The following PRKN variants were observed in gnomAD, a reference collection of about 807,000 sequenced individuals.
PRKN encodes E3 ubiquitin-protein ligase parkin.
Under a neutral mutation model 59.5 loss-of-function variants are expected in PRKN, and 56 were observed. The ratio of observed to expected loss-of-function variants is 0.94; its 90% CI spans 0.76 to 1.18. PRKN has a LOEUF of 1.18. Among genes scored for constraint, PRKN ranks in the 50% most tolerant of loss-of-function variants. The pLI, the probability that PRKN is intolerant of heterozygous loss-of-function variation, is 0.00. For missense variants in PRKN, 657 were observed against 596.4 expected, an observed-to-expected ratio of 1.10 and a Z score of -1.06; for synonymous variants, 250 against 222.1, an observed-to-expected ratio of 1.13 and a Z score of -1.12.
rs910658060 is a variant in PRKN at position 162,238,540 on chromosome 6, A to G, written c.412+23985T>C. ...AACTTACATACATAATTCTTAAAAT[A>G]AAAACCCAAGGAAGACGTTAGTATT... is the stretch of plus-strand genomic sequence containing the variant. On this transcript the variant is annotated intron_variant, in intron 3 of 11. Transcript: ENST00000366898. Among the ~76,000 whole-genome samples, 9 of 152,330 alleles carry G rather than the reference A, an allele frequency of 5.9e-5. No homozygotes were observed. In the South Asian group the frequency reaches 1.4e-3, roughly 25 times the overall value.
chr6:162,559,517 T>C, intron 1 of PRKN, among the ~76,000 whole-genome samples: 1 of 152,178 alleles, frequency 6.6e-6, no homozygotes, highest in East Asian at 1.9e-4. Context: ...CTGAGAAGCA[T>C]TTCTACAAGA....
Position 161,385,584 on chromosome 6 carries a change from T to C in PRKN, c.1167+1210A>G, listed in dbSNP as rs1426274012. 6.6e-6 allele frequency among the ~76,000 whole-genome samples: 1 copy of C among 152,192 alleles called. No individual in the cohort carries two copies. Among genetic ancestry groups the C allele is most frequent in the Non-Finnish European group, 1.5e-5 (1 of 68,034 alleles). On this transcript the variant is annotated intron_variant, in intron 10 of 11. Transcript: ENST00000366898. This position sits in a 1 kb window ranked among gnomAD's most constrained non-coding sequence, Gnocchi z 4.9. ...ACAGCTACTGTTTCCAAATAAATAC[T>C]GTAGATGCCAGAGTATCACTTTGTG...
chr6:161,597,928 C>A (rs1781975108), intron 7 of PRKN, among the ~76,000 whole-genome samples: 1 of 152,154 alleles, frequency 6.6e-6, no homozygotes, highest in South Asian at 2.1e-4. Flanking sequence ...TACTTAAATG[C>A]ATGCACAATT....
At chr6:161,472,532 C>T (rs1288543272) in intron 9 of PRKN, among the ~76,000 whole-genome samples, 1 of 152,150 alleles carries the variant, frequency 6.6e-6, no homozygotes, top group Non-Finnish European at 1.5e-5. Flanking sequence ...AAGAACTTAA[C>T]ATAGGACCTG....
At position 161,369,335 on chromosome 6, in the gene PRKN, T is replaced by A. The variant is rs1417252923; in HGVS notation, c.1168-9130A>T. Among the ~76,000 whole-genome samples the A allele has an allele frequency of 6.6e-6, 1 of 152,020 alleles. No individual in the cohort carries two copies. The highest frequency in any genetic ancestry group is 1.5e-5 in the Non-Finnish European group (1 of 67,998). Reference sequence around the variant, plus strand: ...CTGTGGCGGGGTACAGAAATTAGAATCCCTAAAAATGCCCTAAGGGGTTGC... The same window carrying A: ...CTGTGGCGGGGTACAGAAATTAGAAACCCTAAAAATGCCCTAAGGGGTTGC... On this transcript the variant is annotated intron_variant, in intron 10 of 11. Coordinates refer to ENST00000366898, the MANE Select transcript of PRKN (RefSeq NM_004562.3). This position sits in a 1 kb window ranked among gnomAD's most constrained non-coding sequence, Gnocchi z 5.8.
chr6:161,850,952 C>A (rs896703269), intron 6 of PRKN, among the ~76,000 whole-genome samples: 3 of 152,194 alleles, frequency 2.0e-5, no homozygotes, highest in African/African-American at 4.8e-5. Flanking sequence ...TGAGTTTATG[C>A]CTTGGATTGT....
chr6:162,065,092 T>C (rs912122450), intron 4 of PRKN, among the ~76,000 whole-genome samples: 4 of 152,160 alleles, frequency 2.6e-5, no homozygotes, highest in African/African-American at 9.6e-5. Flanking sequence ...AGGGAGTTTA[T>C]TAGGGAGAAT....
chr6:162,588,284 T>C (rs1781149742), intron 1 of PRKN, among the ~76,000 whole-genome samples: 1 of 151,874 alleles, frequency 6.6e-6, no homozygotes. Context: ...GTGCTGGGAT[T>C]AGAGGTGTGC....
At chr6:161,790,817 G>C (rs577881042) in intron 6 of PRKN, among the ~76,000 whole-genome samples, 2 of 152,328 alleles carry the variant, frequency 1.3e-5, no homozygotes, top group Admixed American at 1.3e-4. Flanking sequence ...GGAAGGGAAT[G>C]ATGTTTTAGT....
intron 2 of PRKN, among the ~76,000 whole-genome samples, chr6:162,415,095 A>G (rs1788560454): frequency 6.6e-6 from 1 of 152,190 alleles, no homozygotes; most frequent in Non-Finnish European, 1.5e-5. Flanking sequence ...TCACTTCTGA[A>G]TGTTTCTGAA....
chr6:162,342,833 G>A (rs545290611), intron 2 of PRKN, among the ~76,000 whole-genome samples: 3 of 152,124 alleles, frequency 2.0e-5, no homozygotes, highest in Non-Finnish European at 4.4e-5. Context: ...AATCCCTAAC[G>A]TGATATACTT....
chr6:161,987,888 G>A (rs2128256826), intron 5 of PRKN, among the ~76,000 whole-genome samples: 1 of 152,284 alleles, frequency 6.6e-6, no homozygotes. Context: ...AAAGAAGGAG[G>A]ATGGCAAATA....
At chr6:161,431,817 T>C (rs1788660135) in intron 9 of PRKN, among the ~76,000 whole-genome samples, 1 of 152,166 alleles carries the variant, frequency 6.6e-6, no homozygotes, top group South Asian at 2.1e-4. Flanking sequence ...TTCACCATAT[T>C]GGCCAGGCTG....
intron 7 of PRKN, among the ~76,000 whole-genome samples, chr6:161,589,743 C>T (rs1433048956): frequency 2.0e-5 from 3 of 150,868 alleles, no homozygotes; most frequent in Non-Finnish European, 3.0e-5. Flanking sequence ...TGTTGAATTT[C>T]CTTTAAAATA....
chr6:161,873,951 T>C (rs1381504064), intron 6 of PRKN, among the ~76,000 whole-genome samples: 1 of 111,956 alleles, frequency 8.9e-6, no homozygotes, highest in Non-Finnish European at 1.7e-5. Flanking sequence ...AAAAGAAATA[T>C]ATATTATATG....
intron 3 of PRKN, among the ~76,000 whole-genome samples, chr6:162,222,678 T>C (rs1334653644): frequency 6.6e-6 from 1 of 152,118 alleles, no homozygotes; most frequent in Non-Finnish European, 1.5e-5. Context: ...CTGCTCACAA[T>C]GTCTGCGGGT....
intron 1 of PRKN, among the ~76,000 whole-genome samples, chr6:162,675,669 G>A (rs1360940693): frequency 6.6e-6 from 1 of 152,164 alleles, no homozygotes; most frequent in East Asian, 1.9e-4. Flanking sequence ...GAGATACTAT[G>A]TGTCTGGATG....
intron 2 of PRKN, among the ~76,000 whole-genome samples, chr6:162,368,972 C>A (rs1019766590): frequency 6.6e-6 from 1 of 152,096 alleles, no homozygotes; most frequent in African/African-American, 2.4e-5. Context: ...ATCAGCTAAG[C>A]CATGGTTACA....
chr6:161,823,752 C>T (rs906268901), intron 6 of PRKN, among the ~76,000 whole-genome samples: 1 of 152,152 alleles, frequency 6.6e-6, no homozygotes, highest in Non-Finnish European at 1.5e-5. Context: ...ACCCCGTGCA[C>T]TGAGGAAGGT....
Sources: allele counts gnomAD v4.1 joint callset (sites outside exome capture counted in the v4.1 genomes callset), GRCh38; gene constraint gnomAD v4.1.1; non-coding constraint Gnocchi (gnomAD v3.1); transcripts MANE v1.5; gene names NCBI Gene and HGNC (gene_info 2026-07-23, HGNC 2026-07-21).